The following WWOX variants were observed in gnomAD, a reference collection of about 807,000 sequenced individuals.
The protein encoded by WWOX is WW domain containing oxidoreductase.
A neutral mutation model predicts 46.2 loss-of-function variants in WWOX; 69 were observed. The observed-to-expected ratio is 1.49, with a 90% confidence interval of 1.23 to 1.82. The LOEUF (loss-of-function observed/expected upper bound fraction) is 1.82. WWOX is among the 40% of genes most tolerant of loss of function. The pLI is 0.00. For synonymous variants in WWOX, 359 were observed against 202.6 expected (o/e 1.77, Z -6.56); for missense variants, 919 against 542.6 (o/e 1.69, Z -6.89).
chr16:78,791,302 G>A (rs571065674), intron 8 of WWOX, among the ~76,000 whole-genome samples: 1 of 152,150 alleles, frequency 6.6e-6, no homozygotes, highest in East Asian at 1.9e-4. Context: ...CTGGTGATGT[G>A]CTGGGTGTTG....
chr16:78,324,106 G>C (rs987081992), intron 5 of WWOX, among the ~76,000 whole-genome samples: 1 of 152,054 alleles, frequency 6.6e-6, no homozygotes, highest in South Asian at 2.1e-4. Flanking sequence ...AAGTGGCAAG[G>C]ATGGGATTTG....
intron 5 of WWOX, among the ~76,000 whole-genome samples, chr16:78,235,774 A>ATTTGG (rs1240875560): frequency 2.1e-4 from 32 of 152,240 alleles, no homozygotes; most frequent in African/African-American, 7.7e-4. Flanking sequence ...TAGATGGTCA[A>ATTTGG]GGTGATTGGG....
intron 8 of WWOX, among the ~76,000 whole-genome samples, chr16:79,035,146 G>A (rs1223225825): frequency 1.3e-5 from 2 of 152,066 alleles, no homozygotes; most frequent in Non-Finnish European, 2.9e-5. Flanking sequence ...CTCATCATTT[G>A]ACCGTCAGTA....
At chr16:78,476,092 T>A (rs2084342486) in intron 8 of WWOX, among the ~76,000 whole-genome samples, 1 of 152,114 alleles carries the variant, frequency 6.6e-6, no homozygotes, top group South Asian at 2.1e-4. Context: ...CATCTGGTGT[T>A]CTAATTGTTA....
Position 78,331,670 on chromosome 16 carries a change from G to A in WWOX, c.517-55190G>A, listed in dbSNP as rs1248678719. On this transcript the variant is annotated intron_variant, in intron 5 of 8. Coordinates refer to ENST00000566780, the MANE Select transcript of WWOX (RefSeq NM_016373.4). ...GGGTTCATGGGTGATGACTGTAAAT[G>A]ACACAGGAGACAGGGAAAGAGTTTT... Among the ~76,000 whole-genome samples, 8 of 152,140 alleles carry A rather than the reference G, an allele frequency of 5.3e-5. No homozygotes were observed. The South Asian group carries it at 1.0e-3, about 20-fold the overall frequency.
At chr16:79,128,722 G>A (rs550058100) in intron 8 of WWOX, among the ~76,000 whole-genome samples, 1 of 152,282 alleles carries the variant, frequency 6.6e-6, no homozygotes, top group South Asian at 2.1e-4. Context: ...AATTTGCCAA[G>A]GTTTGAAAAG....
intron 8 of WWOX, among the ~76,000 whole-genome samples, chr16:78,689,866 G>C (rs79624446): frequency 6.6e-6 from 1 of 151,048 alleles, no homozygotes; most frequent in Non-Finnish European, 1.5e-5. Flanking sequence ...TGTTTTTTTT[G>C]TGTGTTTTTT....
At chr16:78,297,408 G>T (rs2079961226) in intron 5 of WWOX, among the ~76,000 whole-genome samples, 1 of 152,036 alleles carries the variant, frequency 6.6e-6, no homozygotes, top group Non-Finnish European at 1.5e-5. Flanking sequence ...GCTTTGGGTG[G>T]AGAATTTGGA....
At chr16:78,947,178 G>C (rs1169695814) in intron 8 of WWOX, among the ~76,000 whole-genome samples, 1 of 151,094 alleles carries the variant, frequency 6.6e-6, no homozygotes, top group East Asian at 1.9e-4. Flanking sequence ...ACCCAAAAGA[G>C]AAAACCCCAT....
intron 5 of WWOX, among the ~76,000 whole-genome samples, chr16:78,331,770 C>T (rs779489963): frequency 7.9e-5 from 12 of 152,202 alleles, no homozygotes; most frequent in East Asian, 1.9e-4. Context: ...TAGTATTTTA[C>T]GAAGTGCCAG....
At chr16:78,779,691 A>G (rs145213437) in intron 8 of WWOX, among the ~76,000 whole-genome samples, 174 of 152,308 alleles carry the variant, frequency 1.1e-3, no homozygotes, top group African/African-American at 3.9e-3. Context: ...GACTGGGATC[A>G]CCACAGCCCA....
chr16:78,391,029 C>A (rs2082164928), intron 6 of WWOX, among the ~76,000 whole-genome samples: 1 of 152,208 alleles, frequency 6.6e-6, no homozygotes, highest in Non-Finnish European at 1.5e-5. Flanking sequence ...GGATAGGCAG[C>A]ATATTGTGTA....
intron 8 of WWOX, among the ~76,000 whole-genome samples, chr16:78,964,877 A>G (rs2046336450): frequency 6.6e-6 from 1 of 152,210 alleles, no homozygotes; most frequent in Non-Finnish European, 1.5e-5. Flanking sequence ...GAAAGGGGCC[A>G]AGGTATAGCT....
At chr16:78,617,523 C>G (rs967973670) in intron 8 of WWOX, among the ~76,000 whole-genome samples, 1 of 152,206 alleles carries the variant, frequency 6.6e-6, no homozygotes, top group East Asian at 1.9e-4. Context: ...AAGTGGTGGA[C>G]TTAAGAAGCC....
chr16:78,113,683 C>G (rs530387511), intron 3 of WWOX, among the ~76,000 whole-genome samples: 9 of 152,270 alleles, frequency 5.9e-5, no homozygotes, highest in African/African-American at 2.2e-4. Flanking sequence ...TTGGCCATAG[C>G]TGATTTCATG....
intron 5 of WWOX, among the ~76,000 whole-genome samples, chr16:78,246,603 G>A (rs1036007003): frequency 2.0e-5 from 3 of 152,200 alleles, no homozygotes; most frequent in Admixed American, 6.5e-5. Flanking sequence ...CATCAAGTTG[G>A]TGAAGCAGAG....
In WWOX at chr16:78,424,963, T is replaced by C. The variant is rs535446666; in HGVS notation, c.699T>C (p.His233=). The change falls in exon 7 of 9, where the codon CAT becomes CAC. Residue 233 remains histidine, a synonymous_variant. Coordinates refer to ENST00000566780, the MANE Select transcript of WWOX (RefSeq NM_016373.4). ...DGLETTFQVN[H]LGHFYLVQLL... ...TGGAGACCACCTTTCAAGTGAATCA[T>C]CTGGGGCACTTCTACCTTGTCCAGC... 3 of 1,614,186 alleles carry C rather than the reference T, an allele frequency of 1.9e-6. No homozygotes were observed. Among genetic ancestry groups the C allele is most frequent in the South Asian group, 2.2e-5 (2 of 91,084 alleles).
chr16:78,787,217 G>A (rs750916142), intron 8 of WWOX, among the ~76,000 whole-genome samples: 6 of 152,134 alleles, frequency 3.9e-5, no homozygotes, highest in Admixed American at 1.3e-4. Context: ...GTAAAATTCA[G>A]TGACTTTTAA....
At chr16:78,639,297 A>T (rs1475260615) in intron 8 of WWOX, among the ~76,000 whole-genome samples, 1 of 152,194 alleles carries the variant, frequency 6.6e-6, no homozygotes, top group Non-Finnish European at 1.5e-5. Flanking sequence ...AAGCAACCCA[A>T]GCTGGGTCAG....
Sources: gnomAD v4.1 joint callset for allele counts (sites outside exome capture counted in the v4.1 genomes callset) on GRCh38, gnomAD v4.1.1 for gene constraint, MANE v1.5 for transcripts, NCBI Gene and HGNC (gene_info 2026-07-23, HGNC 2026-07-21) for gene names.